HRNR: variants seen among roughly 807,000 people sequenced by gnomAD.
The protein encoded by HRNR is hornerin.
A neutral mutation model predicts 4.8 loss-of-function variants in HRNR; 7 were observed. That is an observed-to-expected ratio of 1.47 (90% CI 0.83 to 2.75). The LOEUF (loss-of-function observed/expected upper bound fraction) is 2.75. Among genes scored for constraint, HRNR ranks in the 30% most tolerant of loss-of-function variants. The probability of loss-of-function intolerance (pLI) is 0.00; values close to 1 mark genes in which losing one functional copy is unlikely to be tolerated. For missense variants in HRNR, 2,879 were observed against 3,010.4 expected (o/e 0.96, Z 1.02); for synonymous variants, 1,023 against 1,242.7 (o/e 0.82, Z 3.72).
In HRNR at chr1:152,218,773, A is replaced by C; in HGVS notation, c.2856T>G (p.Gly952=). The change falls in exon 3 of 3, where the codon GGT becomes GGG. Residue 952 remains glycine, a synonymous_variant. Coordinates refer to ENST00000368801, the MANE Select transcript of HRNR (RefSeq NM_001009931.3). ...SGYTQHGSGS[G]HSSSYEQHGS... ...CGTGTTGTTCGTAGCTGGAGGAGTG[A>C]CCTGAGCCAGATCCATGCTGAGTGT... is the stretch of plus-strand genomic sequence containing the variant. 1.2e-6 allele frequency: 2 copies of C among 1,613,350 alleles called. No homozygotes were observed. The highest frequency in any genetic ancestry group is 1.7e-6 in the Non-Finnish European group (2 of 1,179,934).
At position 152,218,529 on chromosome 1, in the gene HRNR, A is replaced by T. The variant is rs763111095; in HGVS notation, c.3100T>A (p.Ser1034Thr). The T allele has an allele frequency of 2.5e-6, 4 of 1,613,570 alleles. No homozygotes were observed. Among genetic ancestry groups the T allele is most frequent in the Non-Finnish European group, 3.4e-6 (4 of 1,179,946 alleles). ...YGPYRSGSGW[S>T]SSRGPYESGS... is the part of the protein sequence containing the mutation. ...GACTCATATGGGCCACGGCTTGAAGACCACCCTGAGCCAGACCTATATGGG... is the reference window on the plus strand; with the variant it reads ...GACTCATATGGGCCACGGCTTGAAGTCCACCCTGAGCCAGACCTATATGGG... The change falls in exon 3 of 3, where the codon TCT becomes ACT. Residue 1034 changes from serine to threonine, a missense_variant. By Grantham distance (58) the Ser-to-Thr change is moderately conservative (BLOSUM62 1). Around this residue, in one of 8 missense-constraint regions of HRNR, gnomAD observed 2,646 missense variants for 1,377.7 expected, o/e 1.92. Coordinates refer to ENST00000368801, the MANE Select transcript of HRNR (RefSeq NM_001009931.3).
rs752895837 is a variant in HRNR at position 152,218,423 on chromosome 1, C to G, written c.3206G>C (p.Ser1069Thr). 16 of 1,613,490 alleles carry G rather than the reference C, an allele frequency of 9.9e-6. No individual in the cohort carries two copies. Among genetic ancestry groups the G allele is most frequent in the East Asian group, 2.2e-5 (1 of 44,840 alleles). ...QSSGYGQHGS[S>T]SGHSSTHGQH... The stretch of plus-strand genomic sequence containing the variant: ...CCCATGGGTAGAGGAATGACCTGAG[C>G]TAGATCCATGTTGACCGTAGCCAGA... The change falls in exon 3 of 3, where the codon AGC (serine) becomes ACC (threonine). Residue 1069 changes from serine to threonine, a missense_variant. By Grantham distance (58) the Ser-to-Thr change is moderately conservative. Around this residue, in one of 8 missense-constraint regions of HRNR, gnomAD observed 2,646 missense variants for 1,377.7 expected, o/e 1.92. Coordinates refer to ENST00000368801, the MANE Select transcript of HRNR (RefSeq NM_001009931.3).
At position 152,219,551 on chromosome 1, in the gene HRNR, G is replaced by C. The variant is rs1229628127; in HGVS notation, c.2078C>G (p.Ser693Cys). 6.2e-7 allele frequency: 1 copy of C among 1,613,634 alleles called. No homozygotes were observed. Among genetic ancestry groups the C allele is most frequent in the Non-Finnish European group, 8.5e-7 (1 of 1,179,992 alleles). The change falls in exon 3 of 3, where the codon TCT becomes TGT. Residue 693 changes from serine to cysteine, a missense_variant. Transcript: ENST00000368801. Reference sequence around the variant, plus strand: ...AAAGCCGGAAGACTGGCCTGAGACAGACCCATGTGGGCCATTGCTTGAAGA... The same window carrying C: ...AAAGCCGGAAGACTGGCCTGAGACACACCCATGTGGGCCATTGCTTGAAGA... ...GWSSSNGPHG[S>C]VSGQSSGFGH...
In HRNR at chr1:152,219,026, C is replaced by G. The variant is rs141313202; in HGVS notation, c.2603G>C (p.Gly868Ala). 6.1e-4 allele frequency: 978 copies of G among 1,613,948 alleles called. 7 individuals are homozygous for G. The African/African-American group carries it at 9.9e-3, about 16-fold the overall frequency. Residue 868 changes from glycine (G) to alanine (A), a missense_variant, in exon 3 of 3, where the codon GGT (glycine) becomes GCT (alanine). By Grantham distance (60) the Gly-to-Ala change is moderately conservative. Transcript: ENST00000368801. ...GTGATGGGAGGCAGACTCATGCTGA[C>G]CATAGCTGGAAGATTGACCTGAGCT... The part of the protein sequence containing the change: ...DSSSGQSSSY[G>A]QHESASHHAS...
chr1:152,219,667 A>T lies in HRNR; in HGVS notation c.1962T>A (p.Ser654=), dbSNP rs779325653. 3 of 1,613,388 alleles carry T rather than the reference A, an allele frequency of 1.9e-6. No homozygotes were observed. The highest frequency in any genetic ancestry group is 1.7e-6 in the Non-Finnish European group (2 of 1,179,488). The part of the protein sequence containing the change: ...SQSSRYGQQG[S]GSGQSPSRGR... ...CGCGACTAGGAGACTGGCCAGATCC[A>T]GAGCCCTGTTGGCCATAGCGAGAAG... The change falls in exon 3 of 3, where the codon TCT becomes TCA. Residue 654 remains serine, a synonymous_variant. Coordinates refer to ENST00000368801, the MANE Select transcript of HRNR (RefSeq NM_001009931.3).
At position 152,218,763 on chromosome 1, in the gene HRNR, T is replaced by A; in HGVS notation, c.2866A>T (p.Ser956Cys). 6.2e-7 allele frequency: 1 copy of A among 1,613,346 alleles called. No individual in the cohort carries two copies. Among genetic ancestry groups the A allele is most frequent in the Non-Finnish European group, 8.5e-7 (1 of 1,179,872 alleles). Residue 956 changes from serine to cysteine, a missense_variant, in exon 3 of 3, where the codon AGC (serine) becomes TGC (cysteine). Around this residue, in one of 8 missense-constraint regions of HRNR, gnomAD observed 2,646 missense variants for 1,377.7 expected, o/e 1.92. Coordinates refer to ENST00000368801, the MANE Select transcript of HRNR (RefSeq NM_001009931.3). ...QHGSGSGHSS[S>C]YEQHGSRSGQ... ...GACCTAGAGCCGTGTTGTTCGTAGC[T>A]GGAGGAGTGACCTGAGCCAGATCCA... is the stretch of plus-strand genomic sequence containing the variant.
At position 152,220,567 on chromosome 1, in the gene HRNR, G is replaced by A; in HGVS notation, c.1062C>T (p.Gly354=). Residue 354 remains glycine (G), a synonymous_variant, in exon 3 of 3, where the codon GGC becomes GGT. Coordinates refer to ENST00000368801, the MANE Select transcript of HRNR (RefSeq NM_001009931.3). The stretch of plus-strand genomic sequence containing the variant: ...TACTATAGCCAGAGGACTGTCCTGA[G>A]CCAGACTCATGTTGCCCAAAGCCAG... ...QTSGFGQHES[G]SGQSSGYSKH... The A allele has an allele frequency of 6.2e-7, 1 of 1,608,378 alleles. No homozygotes were observed. The highest frequency in any genetic ancestry group is 8.5e-7 in the Non-Finnish European group (1 of 1,175,880).
At chr1:152,222,917 A>G (rs1649046907) in intron 2 of HRNR, among the ~76,000 whole-genome samples, 199 bp downstream of exon 2, 1 of 152,180 alleles carries the variant, frequency 6.6e-6, no homozygotes, top group African/African-American at 2.4e-5. Flanking sequence ...TTTGTTGTTT[A>G]GTAAGGTCAC....
rs1178108909 is a variant in HRNR at position 152,212,547 on chromosome 1, T to G, written c.*529A>C. 6.2e-6 allele frequency: 1 copy of G among 162,198 alleles called. No individual in the cohort carries two copies. Among genetic ancestry groups the G allele is most frequent in the Non-Finnish European group, 1.4e-5 (1 of 74,006 alleles). 10.0% of individuals were successfully genotyped at this position (162,198 alleles called of 1,614,324 possible). On this transcript the variant is annotated 3_prime_UTR_variant, in exon 3 of 3. Coordinates refer to ENST00000368801, the MANE Select transcript of HRNR (RefSeq NM_001009931.3). ...TGATGGTTTTGATAAGTAAAGACAC[T>G]ACCGCTGCTGCATCTTTGCTTTCAG...
rs1557846036 is a variant in HRNR at position 152,220,600 on chromosome 1, G to A, written c.1029C>T (p.Gly343=). 6.2e-7 allele frequency: 1 copy of A among 1,608,118 alleles called. No individual in the cohort carries two copies. Among genetic ancestry groups the A allele is most frequent in the Non-Finnish European group, 8.5e-7 (1 of 1,175,804 alleles). The change falls in exon 3 of 3, where the codon GGC becomes GGT. Residue 343 remains glycine, a synonymous_variant. Coordinates refer to ENST00000368801, the MANE Select transcript of HRNR (RefSeq NM_001009931.3). The part of the protein sequence containing the change: ...YSRGHYESGS[G]QTSGFGQHES... ...CATGTTGCCCAAAGCCAGAAGTCTG[G>A]CCTGAGCCAGACTCATAATGGCCAC...
intron 2 of HRNR, among the ~76,000 whole-genome samples, 187 bp from the exon 3 acceptor site, chr1:152,221,677 G>A (rs1649008306): frequency 6.6e-6 from 1 of 152,188 alleles, no homozygotes; most frequent in Non-Finnish European, 1.5e-5. Flanking sequence ...AATGAATAAT[G>A]TGGTGGGAAA....
rs12405678 is a variant in HRNR at position 152,222,832 on chromosome 1, C to T, written c.138+284G>A. Among the ~76,000 whole-genome samples the T allele has an allele frequency of 9.5e-3, 1,448 of 152,176 alleles. 25 individuals carry two copies. Among genetic ancestry groups the T allele is most frequent in the African/African-American group, 0.033 (1,381 of 41,540 alleles). On this transcript the variant is annotated intron_variant, in intron 2 of 2. Transcript: ENST00000368801. ...TTCCTGAACTCAGAAATCTACTTCA[C>T]AGTTTTTCTGAGGACTGTCTGGGTT... is the stretch of plus-strand genomic sequence containing the variant.
In HRNR at chr1:152,220,606, G is replaced by T. The variant is rs1376212400; in HGVS notation, c.1023C>A (p.Gly341=). 6.2e-7 allele frequency: 1 copy of T among 1,612,080 alleles called. No individual in the cohort carries two copies. Among genetic ancestry groups the T allele is most frequent in the Non-Finnish European group, 8.5e-7 (1 of 1,178,736 alleles). The change falls in exon 3 of 3, where the codon GGC becomes GGA. Residue 341 remains glycine (G), a synonymous_variant. Coordinates refer to ENST00000368801, the MANE Select transcript of HRNR (RefSeq NM_001009931.3). ...YSYSRGHYES[G]SGQTSGFGQH... Reference sequence around the variant, plus strand: ...GCCCAAAGCCAGAAGTCTGGCCTGAGCCAGACTCATAATGGCCACGGCTGT... The same window carrying T: ...GCCCAAAGCCAGAAGTCTGGCCTGATCCAGACTCATAATGGCCACGGCTGT...
chr1:152,213,000 C>A lies in HRNR; in HGVS notation c.*76G>T. The A allele has an allele frequency of 6.5e-7, 1 of 1,532,436 alleles. No individual in the cohort carries two copies. Among genetic ancestry groups the A allele is most frequent in the Non-Finnish European group, 8.8e-7 (1 of 1,140,966 alleles). 94.9% of individuals were successfully genotyped at this position (1,532,436 alleles called of 1,614,324 possible). A position where few individuals can be genotyped will look rare whatever the true frequency, so the allele number is the denominator to read the frequency against. On this transcript the variant is annotated 3_prime_UTR_variant, in exon 3 of 3. Coordinates refer to ENST00000368801, the MANE Select transcript of HRNR (RefSeq NM_001009931.3). ...ACGAATTTCATGATGGATTGCTTGTCTTTCATGATGAATTCATAGATGACT... is the reference window on the plus strand; with the variant it reads ...ACGAATTTCATGATGGATTGCTTGTATTTCATGATGAATTCATAGATGACT...
chr1:152,222,984 C>G (rs1249714347), intron 2 of HRNR, 132 bp downstream of exon 2: 1 of 925,750 alleles, frequency 1.1e-6, no homozygotes, highest in African/African-American at 1.7e-5. Context: ...TTATCTCAAA[C>G]TTTTACCAAA....
intron 1 of HRNR, 69 bp from the exon 2 acceptor site, chr1:152,223,347 C>T: frequency 1.1e-6 from 1 of 900,694 alleles, no homozygotes; most frequent in East Asian, 2.7e-5. Flanking sequence ...ATAAATAGTT[C>T]TAATTATTTA....
At position 152,218,718 on chromosome 1, in the gene HRNR, C is replaced by T. The variant is rs370041563; in HGVS notation, c.2911G>A (p.Glu971Lys). 3.6e-5 allele frequency: 58 copies of T among 1,613,688 alleles called. 1 individual carries two copies. The highest frequency in any genetic ancestry group is 3.2e-4 in the African/African-American group (24 of 74,768). ...GAACCTGAGCTAGATCCATGTTGTT[C>T]GCTCCTAGATGACTGTCCTGACCTA... ...GSRSGQSSRS[E>K]QHGSSSGSSS... Residue 971 changes from glutamate to lysine, a missense_variant, in exon 3 of 3, where the codon GAA (glutamate) becomes AAA (lysine). Coordinates refer to ENST00000368801, the MANE Select transcript of HRNR (RefSeq NM_001009931.3).
chr1:152,221,076 C>A lies in HRNR; in HGVS notation c.553G>T (p.Asp185Tyr). 4 of 1,613,326 alleles carry A rather than the reference C, an allele frequency of 2.5e-6. No homozygotes were observed. The South Asian group carries it at 4.4e-5, about 18-fold the overall frequency. Reference protein sequence around the residue: ...QSSSYGEQNSDSHQSSGRGQC... With the variant: ...QSSSYGEQNSYSHQSSGRGQC... Reference sequence around the variant, plus strand: ...CCGCGGCCTGAAGACTGATGGGAGTCGGAGTTTTGCTCACCATAGCTGGAA... The same window carrying A: ...CCGCGGCCTGAAGACTGATGGGAGTAGGAGTTTTGCTCACCATAGCTGGAA... The change falls in exon 3 of 3, where the codon GAC becomes TAC. Residue 185 changes from aspartate to tyrosine, a missense_variant. By Grantham distance (160) the Asp-to-Tyr change is radical. This residue lies in a region of HRNR where 2,646 missense variants were observed against 1,377.7 expected (regional missense o/e 1.92). Transcript: ENST00000368801.
Position 152,219,007 on chromosome 1 carries a change from G to C in HRNR, c.2622C>G (p.Ser874=), listed in dbSNP as rs745354816. 6.2e-7 allele frequency: 1 copy of C among 1,613,944 alleles called. No homozygotes were observed. ...SSSYGQHESA[S]HHASGRGRHG... ...GTCGGCCGCGGCCCGAAGCGTGATG[G>C]GAGGCAGACTCATGCTGACCATAGC... Residue 874 remains serine (S), a synonymous_variant, in exon 3 of 3, where the codon TCC becomes TCG. Transcript: ENST00000368801.
Sources: gnomAD v4.1 joint callset for allele counts (sites outside exome capture counted in the v4.1 genomes callset) on GRCh38, gnomAD v4.1.1 for gene constraint, gnomAD v4.1.1 regional missense constraint, MANE v1.5 for transcripts, NCBI Gene and HGNC (gene_info 2026-07-23, HGNC 2026-07-21) for gene names.